SPATA6: variants seen among roughly 807,000 people sequenced by gnomAD.
SPATA6 encodes spermatogenesis-associated protein 6.
SPATA6 carries 56 observed loss-of-function variants against 65.3 expected under a neutral mutation model. That is an observed-to-expected ratio of 0.86 (90% confidence interval 0.69 to 1.07). The LOEUF (loss-of-function observed/expected upper bound fraction) is 1.07, where lower values mean the gene tolerates loss of function less well. Ranked by LOEUF, SPATA6 falls within the 50% of genes least tolerant of loss-of-function variation. The pLI, the probability that SPATA6 is intolerant of heterozygous loss-of-function variation, is 0.00. For synonymous variants in SPATA6, 199 were observed against 213.2 expected (o/e 0.93, Z 0.58); for missense variants, 590 against 594.8 (o/e 0.99, Z 0.08).
intron 11 of SPATA6, among the ~76,000 whole-genome samples, chr1:48,350,071 A>C (rs1646474806): frequency 6.6e-6 from 1 of 151,892 alleles, no homozygotes; most frequent in African/African-American, 2.4e-5. Flanking sequence ...TATTCCCACC[A>C]GCATGAAATG....
At chr1:48,453,257 T>C (rs1168495894) in intron 1 of SPATA6, 126 bp from the exon 2 acceptor site, 5 of 1,054,332 alleles carry the variant, frequency 4.7e-6, no homozygotes, top group Non-Finnish European at 6.6e-6. Flanking sequence ...TACTCACAAA[T>C]AAAGAGAGAG....
chr1:48,263,403 G>A, the SPATA6 span, among the ~76,000 whole-genome samples: 5 of 152,044 alleles, frequency 3.3e-5, no homozygotes, highest in Non-Finnish European at 7.4e-5. Flanking sequence ...TTTTTTGAAG[G>A]TTTCATTTCA....
At chr1:48,327,179 G>C (rs1164799204) in intron 11 of SPATA6, among the ~76,000 whole-genome samples, 1 of 151,958 alleles carries the variant, frequency 6.6e-6, no homozygotes, top group African/African-American at 2.4e-5. Context: ...TAAAAAACCA[G>C]GCAAAGGACC....
intron 11 of SPATA6, among the ~76,000 whole-genome samples, chr1:48,312,820 A>G (rs1179767404): frequency 6.6e-6 from 1 of 152,198 alleles, no homozygotes; most frequent in East Asian, 1.9e-4. Context: ...ACGAATGGCT[A>G]ACTACAATAA....
intron 9 of SPATA6, among the ~76,000 whole-genome samples, chr1:48,383,499 G>A (rs1364510408): frequency 3.4e-5 from 1 of 29,622 alleles, no homozygotes; most frequent in Non-Finnish European, 7.6e-5. Context: ...CCTCCCTCCC[G>A]GACGGGGTGG....
chr1:48,360,990 T>C (rs1046837228), intron 9 of SPATA6, among the ~76,000 whole-genome samples: 3 of 152,202 alleles, frequency 2.0e-5, no homozygotes, highest in Non-Finnish European at 4.4e-5. Context: ...AAAATTAAGA[T>C]ATTAGGAGTC....
intron 3 of SPATA6, chr1:48,436,549 G>A (rs1557707529): frequency 9.9e-6 from 16 of 1,612,400 alleles, no homozygotes; most frequent in Non-Finnish European, 5.1e-6. Context: ...CATTTCTGGT[G>A]ATGGCCTAGT....
downstream of SPATA6, among the ~76,000 whole-genome samples, chr1:48,290,416 C>T (rs980534748): frequency 3.9e-5 from 6 of 152,148 alleles, no homozygotes; most frequent in African/African-American, 1.2e-4. Flanking sequence ...TAAAGACCAT[C>T]GAGGCTAGGA....
chr1:48,351,780 A>G (rs980405571), intron 11 of SPATA6, among the ~76,000 whole-genome samples: 2 of 152,110 alleles, frequency 1.3e-5, no homozygotes, highest in Non-Finnish European at 2.9e-5. Flanking sequence ...ATTACAGTAA[A>G]TATTGACTTC....
intron 1 of SPATA6, among the ~76,000 whole-genome samples, chr1:48,454,803 A>C (rs925797913): frequency 2.0e-5 from 3 of 152,206 alleles, no homozygotes; most frequent in African/African-American, 7.2e-5. Flanking sequence ...CACAAAGTAA[A>C]TGAGTCATAA....
At chr1:48,316,212 C>G (rs1436768800) in intron 11 of SPATA6, among the ~76,000 whole-genome samples, 1 of 152,062 alleles carries the variant, frequency 6.6e-6, no homozygotes, top group Non-Finnish European at 1.5e-5. Flanking sequence ...CAAAAAGGAG[C>G]CCGCATTACC....
intron 11 of SPATA6, among the ~76,000 whole-genome samples, chr1:48,307,827 C>A (rs749395023): frequency 9.2e-5 from 14 of 151,466 alleles, no homozygotes; most frequent in Non-Finnish European, 1.6e-4. Context: ...GCCCTGTTGC[C>A]GTTATAAAAT....
At chr1:48,409,106 C>T (rs546780045) in intron 5 of SPATA6, among the ~76,000 whole-genome samples, 8 of 152,206 alleles carry the variant, frequency 5.3e-5, no homozygotes, top group Non-Finnish European at 1.0e-4. Flanking sequence ...AAGTGCCTTC[C>T]ACTTTTGAGC....
intron 9 of SPATA6, among the ~76,000 whole-genome samples, chr1:48,382,635 C>CA (rs1648835912): frequency 1.5e-5 from 1 of 65,052 alleles, no homozygotes; most frequent in Non-Finnish European, 3.6e-5. Flanking sequence ...GCCGACCCCC[C>CA]CCCCCCCGCC....
intron 3 of SPATA6, 70 bp from the exon 4 acceptor site, chr1:48,413,221 G>T: frequency 1.2e-6 from 1 of 848,390 alleles, no homozygotes; most frequent in South Asian, 2.2e-5. Flanking sequence ...ATTTACCATG[G>T]GAGTGTCTAA....
At chr1:48,274,292 G>T in the SPATA6 span, among the ~76,000 whole-genome samples, 1 of 152,092 alleles carries the variant, frequency 6.6e-6, no homozygotes, top group African/African-American at 2.4e-5. Context: ...TCTGTAGGTT[G>T]CCTGTTCACT....
At chr1:48,385,730 C>T (rs61774375) in intron 8 of SPATA6, among the ~76,000 whole-genome samples, 2,479 of 152,112 alleles carry the variant, frequency 0.016, 27 homozygotes, top group Non-Finnish European at 0.021. Flanking sequence ...GTTTCCTATT[C>T]TTATACTCCA....
intron 3 of SPATA6, among the ~76,000 whole-genome samples, chr1:48,441,691 G>A (rs1182164859): frequency 3.9e-5 from 6 of 152,096 alleles, no homozygotes; most frequent in South Asian, 4.2e-4. Flanking sequence ...ACTCAGACTC[G>A]TGGGACAACC....
chr1:48,267,435 A>T, the SPATA6 span, among the ~76,000 whole-genome samples: 1 of 152,278 alleles, frequency 6.6e-6, no homozygotes, highest in East Asian at 1.9e-4. Context: ...ATCGAATCAC[A>T]CGTGGGCTTG....
Sources: allele counts gnomAD v4.1 joint callset (sites outside exome capture counted in the v4.1 genomes callset), GRCh38; gene constraint gnomAD v4.1.1; transcripts MANE v1.5; gene names NCBI Gene and HGNC (gene_info 2026-07-23, HGNC 2026-07-21).